NIPBL: variants seen among roughly 807,000 people sequenced by gnomAD.
NIPBL encodes nipped-B-like protein.
Under a neutral mutation model 321.8 loss-of-function variants are expected in NIPBL, and 19 were observed. The observed-to-expected ratio is 0.06, with a 90% CI of 0.04 to 0.09. The LOEUF is 0.09. Ranked by LOEUF, NIPBL falls within the 10% of genes least tolerant of loss-of-function variation. NIPBL has a pLI of 1.00. For missense variants in NIPBL, 2,210 were observed against 3,327.0 expected (o/e 0.66, Z 8.26); for synonymous variants, 1,106 against 1,114.1 (o/e 0.99, Z 0.14).
intron 1 of NIPBL, among the ~76,000 whole-genome samples, chr5:36,947,223 A>G (rs902561186): frequency 3.9e-5 from 6 of 152,010 alleles, no homozygotes; most frequent in African/African-American, 7.2e-5. Context: ...GGCTTCCATA[A>G]CTATAGCTAT....
At chr5:36,896,049 G>A (rs908819175) in intron 1 of NIPBL, among the ~76,000 whole-genome samples, 2 of 150,002 alleles carry the variant, frequency 1.3e-5, no homozygotes, top group East Asian at 2.0e-4. Flanking sequence ...AGTTACACCC[G>A]TGTTTAGTTT....
chr5:36,945,464 A>T (rs192308738), intron 1 of NIPBL, among the ~76,000 whole-genome samples: 1 of 152,144 alleles, frequency 6.6e-6, no homozygotes, highest in African/African-American at 2.4e-5. Context: ...CTTAGTGGTA[A>T]CTTTTCTTTC....
rs755841339 is a variant in NIPBL at position 37,017,000 on chromosome 5, A to G, written c.4777-19A>G. ...TATTGTTATAAATCTATTCAATCAA[A>G]AACTATTTTGATATTTAGGTTCATC... On this transcript the variant is annotated intron_variant, in intron 23 of 46. Coordinates refer to ENST00000282516, the MANE Select transcript of NIPBL (RefSeq NM_133433.4). 6.5e-7 allele frequency: 1 copy of G among 1,543,920 alleles called. No homozygotes were observed. The highest frequency in any genetic ancestry group is 8.9e-7 in the Non-Finnish European group (1 of 1,129,576).
chr5:36,963,239 A>G (rs910668823), intron 6 of NIPBL, among the ~76,000 whole-genome samples: 3 of 152,188 alleles, frequency 2.0e-5, no homozygotes, highest in South Asian at 2.1e-4. Flanking sequence ...AAAGGATAAT[A>G]TAAAAAACAT....
Position 37,064,607 on chromosome 5 carries a change from C to G in NIPBL, c.8130C>G (p.Val2710=), listed in dbSNP as rs1755206621. The G allele has an allele frequency of 6.2e-7, 1 of 1,613,994 alleles. No homozygotes were observed. Among genetic ancestry groups the G allele is most frequent in the Non-Finnish European group, 8.5e-7 (1 of 1,180,040 alleles). The part of the protein sequence containing the change: ...QMNESVDVMD[V]IAICCPKYKD... ...ATGAAAGTGTTGACGTCATGGATGT[C>G]ATCGCTATTTGCTGTCCAAAGTACA... The change falls in exon 47 of 47, where the codon GTC becomes GTG. Residue 2710 remains valine (V), a synonymous_variant. Transcript: ENST00000282516.
At chr5:36,976,476 A>G in intron 9 of NIPBL, 74 bp downstream of exon 9, 2 of 1,485,406 alleles carry the variant, frequency 1.3e-6, no homozygotes, top group Non-Finnish European at 1.8e-6. Context: ...TTTTTTTCAC[A>G]TTACTTTTTT....
At position 36,892,327 on chromosome 5, in the gene NIPBL, T is replaced by C. The variant is rs530206629; in HGVS notation, c.-80+15149T>C. 3.3e-3 allele frequency among the ~76,000 whole-genome samples: 506 copies of C among 152,172 alleles called. 8 individuals carry two copies. Among genetic ancestry groups the C allele is most frequent in the Admixed American group, 0.025 (374 of 15,192 alleles). ...GGATGTGGAGAAATAGGAACACTTT[T>C]ACATTGTTGTTGGGACTGTAAACTA... On this transcript the variant is annotated intron_variant, in intron 1 of 46. Coordinates refer to ENST00000282516, the MANE Select transcript of NIPBL (RefSeq NM_133433.4).
chr5:36,982,218 T>TA (rs1744228673), intron 9 of NIPBL: 2 of 981,574 alleles, frequency 2.0e-6, no homozygotes, highest in African/African-American at 3.5e-5. Flanking sequence ...GAAGAGGGCT[T>TA]ACAGGTAATC....
chr5:37,064,228 TAATG>T (rs1348962700), intron 46 of NIPBL: 28 of 1,387,118 alleles, frequency 2.0e-5, no homozygotes, highest in Non-Finnish European at 2.6e-5. Context: ...TGAATTGTAT[TAATG>T]TGTGTTATTT....
intron 1 of NIPBL, among the ~76,000 whole-genome samples, chr5:36,901,827 T>C (rs915980849): frequency 6.6e-6 from 1 of 152,060 alleles, no homozygotes; most frequent in Non-Finnish European, 1.5e-5. Flanking sequence ...TTTGAGAAAT[T>C]GCTGAACTGT....
intron 6 of NIPBL, among the ~76,000 whole-genome samples, chr5:36,963,928 A>G (rs553078051): frequency 5.9e-5 from 9 of 152,240 alleles, no homozygotes; most frequent in Non-Finnish European, 1.2e-4. Context: ...GACATTTTAC[A>G]TGTAATGGAG....
intron 6 of NIPBL, among the ~76,000 whole-genome samples, chr5:36,965,215 G>A (rs1038451661): frequency 6.6e-6 from 1 of 151,994 alleles, no homozygotes; most frequent in Non-Finnish European, 1.5e-5. Flanking sequence ...ATACTGAAGA[G>A]ATGCACGCCC....
At chr5:36,993,106 T>C (rs997012039) in intron 10 of NIPBL, among the ~76,000 whole-genome samples, 7 of 152,114 alleles carry the variant, frequency 4.6e-5, no homozygotes, top group Non-Finnish European at 1.5e-5. Context: ...CTTCATGAAA[T>C]GGAAGAAAGG....
At chr5:36,901,899 C>T (rs1747258349) in intron 1 of NIPBL, among the ~76,000 whole-genome samples, 1 of 152,192 alleles carries the variant, frequency 6.6e-6, no homozygotes, top group Admixed American at 6.5e-5. Context: ...TCCCTTTTCT[C>T]CATTGCCTCA....
In NIPBL at chr5:36,985,142, T is replaced by A. The variant is rs776871098; in HGVS notation, c.1962T>A (p.Asn654Lys). The A allele has an allele frequency of 1.2e-6, 2 of 1,613,728 alleles. No individual in the cohort carries two copies. The highest frequency in any genetic ancestry group is 1.7e-6 in the Non-Finnish European group (2 of 1,179,890). The change falls in exon 10 of 47, where the codon AAT (asparagine) becomes AAA (lysine). Residue 654 changes from asparagine to lysine, a missense_variant. Physicochemically the swap from Asn to Lys is moderately conservative, Grantham distance 94 (BLOSUM62 0). This residue lies in a region of NIPBL where 588 missense variants were observed against 564.1 expected (regional missense o/e 1.04). Transcript: ENST00000282516. ...VETQTEELKQ[N>K]ESRTTECKQN... Reference sequence around the variant, plus strand: ...CCCAAACAGAAGAACTTAAACAGAATGAGAGCAGAACAACTGAATGCAAAC... The same window carrying A: ...CCCAAACAGAAGAACTTAAACAGAAAGAGAGCAGAACAACTGAATGCAAAC...
chr5:36,995,778 A>C lies in NIPBL; in HGVS notation c.3278A>C (p.Asp1093Ala). The change falls in exon 11 of 47, where the codon GAT becomes GCT. Residue 1093 changes from aspartate (D) to alanine (A), a missense_variant. By Grantham distance (126) the Asp-to-Ala change is moderately radical. Around this residue, in one of 14 missense-constraint regions of NIPBL, gnomAD observed 381 missense variants for 642.3 expected, o/e 0.59. Coordinates refer to ENST00000282516, the MANE Select transcript of NIPBL (RefSeq NM_133433.4). ...PKYAEISSDE[D>A]NDSDEAFESS... ...TATGCTGAAATCAGTTCAGATGAAGATAATGATAGTGATGAAGCTTTTGAA... is the reference window on the plus strand; with the variant it reads ...TATGCTGAAATCAGTTCAGATGAAGCTAATGATAGTGATGAAGCTTTTGAA... 1 of 1,613,616 alleles carries C rather than the reference A, an allele frequency of 6.2e-7. No individual in the cohort carries two copies. Among genetic ancestry groups the C allele is most frequent in the Non-Finnish European group, 8.5e-7 (1 of 1,179,602 alleles).
At chr5:37,032,386 CGTGTGTGTGTGTGTGT>C (rs58831894) in intron 32 of NIPBL, among the ~76,000 whole-genome samples, 1,293 of 123,590 alleles carry the variant, frequency 0.01, 29 homozygotes, top group African/African-American at 0.035. Flanking sequence ...TACATGTATA[CGTGTGTGTGTGTGTGT>C]GTGTGTGTGT....
chr5:36,986,101 A>T lies in NIPBL; in HGVS notation c.2921A>T (p.Lys974Met). ...GATGGCAATGTTACTCAGGAGACAA[A>T]GAAAATGGAAATGAAAGGAGAGCCG... is the stretch of plus-strand genomic sequence containing the variant. ...DKDGNVTQETKKMEMKGEPKD... is the reference protein window; with the variant it reads ...DKDGNVTQETMKMEMKGEPKD... Residue 974 changes from lysine (K) to methionine (M), a missense_variant, in exon 10 of 47, where the codon AAG becomes ATG. This residue lies in a region of NIPBL where 588 missense variants were observed against 564.1 expected (regional missense o/e 1.04). Coordinates refer to ENST00000282516, the MANE Select transcript of NIPBL (RefSeq NM_133433.4). The T allele has an allele frequency of 6.2e-7, 1 of 1,613,960 alleles. No individual in the cohort carries two copies. The highest frequency in any genetic ancestry group is 8.5e-7 in the Non-Finnish European group (1 of 1,179,922).
intron 14 of NIPBL, 67 bp downstream of exon 14, chr5:37,001,145 C>A (rs1029975833): frequency 1.7e-5 from 17 of 1,023,092 alleles, no homozygotes; most frequent in Middle Eastern, 3.0e-4. Flanking sequence ...TAGAGTAACT[C>A]AGTTACTCTA....
Sources: allele counts gnomAD v4.1 joint callset (sites outside exome capture counted in the v4.1 genomes callset), GRCh38; gene constraint gnomAD v4.1.1; regional missense constraint gnomAD v4.1.1; transcripts MANE v1.5; gene names NCBI Gene and HGNC (gene_info 2026-07-23, HGNC 2026-07-21).